The following ZNF713 variants were observed in gnomAD, a reference collection of about 807,000 sequenced individuals.
The protein encoded by ZNF713 is zinc finger protein 713.
In ZNF713, 21 loss-of-function variants were observed where a neutral mutation model predicts 28.7. The ratio of observed to expected loss-of-function variants is 0.73; its 90% confidence interval spans 0.52 to 1.05. The LOEUF is 1.05. ZNF713 is among the 50% of genes least tolerant of loss of function. The pLI is 0.00. For synonymous variants in ZNF713, 167 were observed against 178.0 expected (o/e 0.94, Z 0.49); for missense variants, 458 against 532.4 (o/e 0.86, Z 1.37).
chr7:55,908,093 A>G (rs556495568), intron 2 of ZNF713, among the ~76,000 whole-genome samples: 1 of 149,348 alleles, frequency 6.7e-6, no homozygotes, highest in Non-Finnish European at 1.5e-5. Context: ...AGCAGTGTAT[A>G]CATGTTTCCA....
intron 1 of ZNF713, among the ~76,000 whole-genome samples, chr7:55,893,868 C>A (rs145798862): frequency 6.6e-6 from 1 of 152,302 alleles, no homozygotes; most frequent in African/African-American, 2.4e-5. Context: ...GCATGAGCCA[C>A]CACACCTGGC....
intron 2 of ZNF713, among the ~76,000 whole-genome samples, chr7:55,910,513 T>TA (rs1287967680): frequency 1.3e-5 from 2 of 152,110 alleles, no homozygotes. Context: ...TTTTGTTTTT[T>TA]AAGACAGGGT....
chr7:55,927,064 C>T (rs977502394), intron 6 of ZNF713, among the ~76,000 whole-genome samples: 1 of 152,022 alleles, frequency 6.6e-6, no homozygotes, highest in Non-Finnish European at 1.5e-5. Context: ...ATCACTTGAA[C>T]CTGGGAGGTA....
At chr7:55,906,128 A>G (rs1785674945) in intron 1 of ZNF713, 125 bp from the exon 2 acceptor site, 1 of 151,960 alleles carries the variant, frequency 6.6e-6, no homozygotes, top group Non-Finnish European at 1.5e-5. Flanking sequence ...ATCCACTTAT[A>G]ACTGCTGTTA....
intron 1 of ZNF713, among the ~76,000 whole-genome samples, chr7:55,897,144 G>C (rs543279182): frequency 6.6e-6 from 1 of 152,082 alleles, no homozygotes; most frequent in African/African-American, 2.4e-5. Context: ...AACACCATTA[G>C]GCAAACACCA....
At chr7:55,893,130 G>C (rs182646711) in intron 1 of ZNF713, among the ~76,000 whole-genome samples, 1 of 151,956 alleles carries the variant, frequency 6.6e-6, no homozygotes, top group Non-Finnish European at 1.5e-5. Context: ...TGATCTGCCC[G>C]CCTCAGCCTC....
At chr7:55,925,344 C>T (rs1201481720) in intron 6 of ZNF713, among the ~76,000 whole-genome samples, 4 of 151,988 alleles carry the variant, frequency 2.6e-5, no homozygotes, top group Non-Finnish European at 4.4e-5. Flanking sequence ...TGTTCCTGGC[C>T]GGGCACAGTG....
chr7:55,908,549 A>G (rs1257029916), intron 2 of ZNF713, among the ~76,000 whole-genome samples: 1 of 149,356 alleles, frequency 6.7e-6, no homozygotes, highest in African/African-American at 2.5e-5. Context: ...GATGTTAAGC[A>G]TTGTTTCATA....
intron 6 of ZNF713, among the ~76,000 whole-genome samples, chr7:55,926,690 GCAGC>G (rs1786103023): frequency 6.6e-6 from 1 of 152,194 alleles, no homozygotes; most frequent in Non-Finnish European, 1.5e-5. Flanking sequence ...AGTAGATTTA[GCAGC>G]AAGAAAATTG....
At position 55,887,600 on chromosome 7, in the gene ZNF713, CGCG is replaced by C. The variant is rs369789359; in HGVS notation, c.-626_-624del. The C allele has an allele frequency of 0.07, 12,401 of 176,966 alleles. 777 individuals carry two copies. Among genetic ancestry groups the C allele is most frequent in the East Asian group, 0.18 (1,041 of 5,804 alleles). 11.0% of individuals were successfully genotyped at this position (176,966 alleles called of 1,614,324 possible). A position where few individuals can be genotyped will look rare whatever the true frequency, so the allele number is the denominator to read the frequency against. On this transcript the variant is annotated 5_prime_UTR_variant, in exon 1 of 7. Coordinates refer to ENST00000429591, the MANE Select transcript of ZNF713 (RefSeq NM_182633.3). ...GGCACCTTCTCCCTCCCGGGTCCAC[CGCG>C]GCGGCGGCGGCGGCGGCGGCGGCGG...
At chr7:55,907,497 G>A (rs1036654423) in intron 2 of ZNF713, among the ~76,000 whole-genome samples, 1 of 152,098 alleles carries the variant, frequency 6.6e-6, no homozygotes, top group Non-Finnish European at 1.5e-5. Context: ...CCACGTGCAG[G>A]TTTGTTACAT....
chr7:55,889,158 A>G (rs1435812205), intron 1 of ZNF713, among the ~76,000 whole-genome samples: 3 of 150,888 alleles, frequency 2.0e-5, no homozygotes, highest in Non-Finnish European at 4.4e-5. Context: ...CTGGAGTGCA[A>G]TGGTGTGATC....
At chr7:55,898,437 G>A in intron 1 of ZNF713, among the ~76,000 whole-genome samples, 1 of 152,218 alleles carries the variant, frequency 6.6e-6, no homozygotes, top group East Asian at 1.9e-4. Context: ...TGTACAGGCT[G>A]TACAGGAAGC....
chr7:55,918,546 G>T (rs1472048922), intron 4 of ZNF713, among the ~76,000 whole-genome samples: 4 of 152,160 alleles, frequency 2.6e-5, no homozygotes, highest in Admixed American at 6.5e-5. Context: ...GGATAAGATA[G>T]AAAACGAGTG....
At chr7:55,933,893 A>G (rs1331796109) in intron 6 of ZNF713, among the ~76,000 whole-genome samples, 2 of 151,744 alleles carry the variant, frequency 1.3e-5, no homozygotes, top group African/African-American at 2.4e-5. Context: ...TTTTGTAGAG[A>G]CAGGGTTTTG....
At chr7:55,902,993 CAAAAAAA>C (rs35706402) in intron 1 of ZNF713, among the ~76,000 whole-genome samples, 1 of 80,786 alleles carries the variant, frequency 1.2e-5, no homozygotes. Context: ...AACTCCGTCT[CAAAAAAA>C]AAAAAAAAAA....
At chr7:55,908,992 T>C (rs912866840) in intron 2 of ZNF713, among the ~76,000 whole-genome samples, 8 of 151,852 alleles carry the variant, frequency 5.3e-5, no homozygotes, top group Admixed American at 3.3e-4. Context: ...GGTCAGGAGA[T>C]CGAGACCATC....
intron 1 of ZNF713, among the ~76,000 whole-genome samples, chr7:55,892,034 C>CT (rs1476808018): frequency 7.9e-5 from 12 of 152,098 alleles, no homozygotes; most frequent in Admixed American, 7.9e-4. Context: ...AATCCCAGCA[C>CT]TTTGAGAGGC....
chr7:55,912,324 A>C (rs1562740939), intron 3 of ZNF713, among the ~76,000 whole-genome samples: 1 of 152,206 alleles, frequency 6.6e-6, no homozygotes, highest in African/African-American at 2.4e-5. Flanking sequence ...AGATCAATTA[A>C]ATCCAAATCT....
Sources: allele counts gnomAD v4.1 joint callset (sites outside exome capture counted in the v4.1 genomes callset), GRCh38; gene constraint gnomAD v4.1.1; transcripts MANE v1.5; gene names NCBI Gene and HGNC (gene_info 2026-07-23, HGNC 2026-07-21).